SLC1A7: variants seen among roughly 807,000 people sequenced by gnomAD.
SLC1A7 encodes the protein excitatory amino acid transporter 5.
SLC1A7 carries 40 observed loss-of-function variants against 47.7 expected under a neutral mutation model. The observed-to-expected ratio is 0.84, with a 90% CI of 0.65 to 1.09. The LOEUF is 1.09. Among genes scored for constraint, SLC1A7 ranks in the 50% least tolerant of loss-of-function variants. The pLI, the probability that SLC1A7 is intolerant of heterozygous loss-of-function variation, is 0.00. For synonymous variants in SLC1A7, 323 were observed against 325.6 expected (o/e 0.99, Z 0.09); for missense variants, 746 against 769.5 (o/e 0.97, Z 0.36).
intron 2 of SLC1A7, among the ~76,000 whole-genome samples, chr1:53,117,971 G>A (rs1261505294): frequency 6.6e-6 from 1 of 152,272 alleles, no homozygotes; most frequent in Non-Finnish European, 1.5e-5. Flanking sequence ...AATGGCGGAA[G>A]GGAGAGGTGA....
intron 3 of SLC1A7, among the ~76,000 whole-genome samples, chr1:53,114,193 G>C (rs1389932713): frequency 6.6e-6 from 1 of 152,202 alleles, no homozygotes; most frequent in East Asian, 1.9e-4. Flanking sequence ...GAAGGTGGCT[G>C]TGCCGCTGGG....
intron 5 of SLC1A7, among the ~76,000 whole-genome samples, chr1:53,093,948 A>C (rs1644455588): frequency 6.6e-6 from 1 of 152,032 alleles, no homozygotes; most frequent in Admixed American, 6.5e-5. Flanking sequence ...CCCTGGCACC[A>C]CTGGCCTTCT....
intron 3 of SLC1A7, chr1:53,108,455 A>G: frequency 1.6e-6 from 1 of 639,406 alleles, no homozygotes; most frequent in South Asian, 1.9e-5. Flanking sequence ...CCTTAACAGA[A>G]GTCCTATTAT....
intron 2 of SLC1A7, among the ~76,000 whole-genome samples, chr1:53,133,902 C>G (rs75233014): frequency 2.6e-5 from 4 of 152,110 alleles, no homozygotes; most frequent in Non-Finnish European, 5.9e-5. Context: ...TGTTGTTATT[C>G]CCATTTTACA....
At chr1:53,113,533 A>G (rs772126911) in intron 3 of SLC1A7, among the ~76,000 whole-genome samples, 3 of 150,696 alleles carry the variant, frequency 2.0e-5, no homozygotes, top group Non-Finnish European at 4.4e-5. Context: ...CTCACCTCCT[A>G]CTCACCCACC....
At chr1:53,127,085 A>G (rs1215673213) in intron 2 of SLC1A7, among the ~76,000 whole-genome samples, 1 of 74,616 alleles carries the variant, frequency 1.3e-5, no homozygotes, top group Non-Finnish European at 2.5e-5. Context: ...CTATGTTGCC[A>G]GGGCTTTATC....
intron 1 of SLC1A7, among the ~76,000 whole-genome samples, chr1:53,140,355 GA>G (rs1240815022): frequency 6.6e-6 from 1 of 152,126 alleles, no homozygotes; most frequent in Non-Finnish European, 1.5e-5. Context: ...TGTTGCTGAG[GA>G]AAATTAAAGA....
chr1:53,098,600 C>T (rs567001624), intron 5 of SLC1A7, among the ~76,000 whole-genome samples: 8 of 148,008 alleles, frequency 5.4e-5, no homozygotes, highest in South Asian at 4.3e-4. Flanking sequence ...ACATACACAC[C>T]GCCTCAGTAC....
chr1:53,087,768 A>C lies in SLC1A7; in HGVS notation c.*241T>G. The C allele has an allele frequency of 2.8e-6, 1 of 353,874 alleles. No homozygotes were observed. The highest frequency in any genetic ancestry group is 5.1e-6 in the Non-Finnish European group (1 of 196,756). The allele number at this position is 353,874 out of a possible 1,614,324, so 21.9% of individuals were successfully genotyped here. ...CCCTCACCGGGCTCACACCGGGGAA[A>C]CTGTCACAGCGGGGCCTCAGGCAAT... is the stretch of plus-strand genomic sequence containing the variant. On this transcript the variant is annotated 3_prime_UTR_variant, in exon 11 of 11. Coordinates refer to ENST00000371494, the MANE Select transcript of SLC1A7 (RefSeq NM_006671.6).
chr1:53,097,759 A>G (rs1024579296), intron 5 of SLC1A7, among the ~76,000 whole-genome samples: 5 of 130,102 alleles, frequency 3.8e-5, no homozygotes, highest in Non-Finnish European at 8.1e-5. Context: ...GCCTTGGTAC[A>G]CTCACACACA....
chr1:53,140,466 T>TAAA lies in SLC1A7; in HGVS notation c.135+1846_135+1848dup, dbSNP rs5774137. On this transcript the variant is annotated intron_variant, in intron 1 of 10. Transcript: ENST00000371494. ...CACAGGGCTAGGCTCACGTTTTGGT[T>TAAA]AAAAAAAAAAACAAACCCATATGTT... 8.8e-5 allele frequency among the ~76,000 whole-genome samples: 13 copies of TAAA among 147,180 alleles called. 1 individual carries two copies. The highest frequency in any genetic ancestry group is 3.2e-4 in the African/African-American group (13 of 40,288).
chr1:53,126,966 G>C (rs922704857), intron 2 of SLC1A7, among the ~76,000 whole-genome samples: 5 of 150,594 alleles, frequency 3.3e-5, no homozygotes, highest in Admixed American at 6.6e-5. Flanking sequence ...GGGCTCAAGC[G>C]ATCCTCCCAC....
chr1:53,133,204 A>G, intron 2 of SLC1A7, among the ~76,000 whole-genome samples: 1 of 152,316 alleles, frequency 6.6e-6, no homozygotes, highest in Non-Finnish European at 1.5e-5. Flanking sequence ...AGATTCAGCA[A>G]CACAGAGGAC....
intron 3 of SLC1A7, among the ~76,000 whole-genome samples, chr1:53,106,384 A>G (rs544699809): frequency 7.4e-4 from 112 of 151,950 alleles, no homozygotes; most frequent in African/African-American, 2.6e-3. Context: ...TTGGGAGGCC[A>G]AGGCGGGCGG....
chr1:53,127,522 C>G (rs1427376325), intron 2 of SLC1A7, among the ~76,000 whole-genome samples: 1 of 152,192 alleles, frequency 6.6e-6, no homozygotes, highest in Non-Finnish European at 1.5e-5. Flanking sequence ...TGGACAGGCC[C>G]TCAGGCCACC....
At chr1:53,133,919 G>A (rs941320815) in intron 2 of SLC1A7, among the ~76,000 whole-genome samples, 3 of 152,246 alleles carry the variant, frequency 2.0e-5, no homozygotes, top group Admixed American at 1.3e-4. Context: ...TACAGATGAG[G>A]AAACTGAGGC....
chr1:53,116,337 C>G (rs1644761098), intron 2 of SLC1A7: 1 of 152,382 alleles, frequency 6.6e-6, no homozygotes, highest in Non-Finnish European at 1.5e-5. Context: ...CTCCCACTGT[C>G]CCTGCCCCCA....
At chr1:53,100,242 C>T (rs116878424) in intron 5 of SLC1A7, among the ~76,000 whole-genome samples, 215 of 151,496 alleles carry the variant, frequency 1.4e-3, no homozygotes, top group East Asian at 0.011. Context: ...CAACCTGCCT[C>T]GCTACACTCA....
intron 2 of SLC1A7, among the ~76,000 whole-genome samples, chr1:53,130,922 T>C (rs1271923737): frequency 6.6e-6 from 1 of 152,062 alleles, no homozygotes; most frequent in East Asian, 1.9e-4. Flanking sequence ...ATAGGCCAGT[T>C]TGAGGCCAAA....
Sources: allele counts gnomAD v4.1 joint callset (sites outside exome capture counted in the v4.1 genomes callset), GRCh38; gene constraint gnomAD v4.1.1; transcripts MANE v1.5; gene names NCBI Gene and HGNC (gene_info 2026-07-23, HGNC 2026-07-21).